Variants in PHACTR4 observed in about 807,000 individuals in gnomAD.
PHACTR4 encodes phosphatase and actin regulator 4.
In PHACTR4, 51 loss-of-function variants were observed where a neutral mutation model predicts 72.7. That is an observed-to-expected ratio of 0.70 (90% CI 0.56 to 0.89). The LOEUF (loss-of-function observed/expected upper bound fraction) is 0.89, where lower values mean the gene tolerates loss of function less well. PHACTR4 is among the 40% of genes least tolerant of loss of function. The pLI is 0.00. For missense variants in PHACTR4, 731 were observed against 861.8 expected, an observed-to-expected ratio of 0.85 and a Z score of 1.90; for synonymous variants, 255 against 302.5, an observed-to-expected ratio of 0.84 and a Z score of 1.63.
chr1:28,394,305 A>G (rs1348292814), intron 1 of PHACTR4, among the ~76,000 whole-genome samples: 1 of 151,014 alleles, frequency 6.6e-6, no homozygotes, highest in African/African-American at 2.4e-5. Context: ...GGGAGGGAGG[A>G]AGGAAGAGGG....
intron 2 of PHACTR4, among the ~76,000 whole-genome samples, chr1:28,411,116 G>A (rs1396965987): frequency 6.8e-6 from 1 of 146,352 alleles, no homozygotes; most frequent in South Asian, 2.2e-4. Context: ...GTGTGATCTC[G>A]GCTCACTGCA....
chr1:28,414,099 G>A (rs976178813), intron 2 of PHACTR4, among the ~76,000 whole-genome samples: 2 of 151,926 alleles, frequency 1.3e-5, no homozygotes, highest in African/African-American at 2.4e-5. Flanking sequence ...CTTTTGAGAT[G>A]GAGTCTTGCT....
intron 6 of PHACTR4, among the ~76,000 whole-genome samples, chr1:28,468,345 C>G (rs1383890058): frequency 6.6e-6 from 1 of 152,148 alleles, no homozygotes; most frequent in Non-Finnish European, 1.5e-5. Context: ...AATCCCAGCA[C>G]TTTGGGAGGC....
intron 10 of PHACTR4, among the ~76,000 whole-genome samples, 164 bp from the exon 11 acceptor site, chr1:28,490,787 G>A (rs1283423614): frequency 6.6e-6 from 1 of 151,088 alleles, no homozygotes; most frequent in African/African-American, 2.4e-5. Context: ...AGGTTGCAGT[G>A]AGCCAAGATT....
chr1:28,386,464 A>G (rs548253151), intron 1 of PHACTR4, among the ~76,000 whole-genome samples: 56 of 152,152 alleles, frequency 3.7e-4, no homozygotes, highest in Non-Finnish European at 6.8e-4. Flanking sequence ...TGCTGTTTGA[A>G]TCCTGAATAT....
intron 9 of PHACTR4, chr1:28,481,415 GC>G (rs34476399): frequency 6.6e-6 from 1 of 152,098 alleles, no homozygotes. Context: ...GATGGAAGAG[GC>G]CCTTTGGGCC....
At chr1:28,379,961 T>C (rs1033942703) in intron 1 of PHACTR4, among the ~76,000 whole-genome samples, 2 of 152,040 alleles carry the variant, frequency 1.3e-5, no homozygotes, top group African/African-American at 4.8e-5. Flanking sequence ...TCTCAACTTG[T>C]GTTTCTATTA....
At chr1:28,454,345 C>T (rs917326461) in intron 2 of PHACTR4, among the ~76,000 whole-genome samples, 1 of 138,500 alleles carries the variant, frequency 7.2e-6, no homozygotes, top group African/African-American at 2.8e-5. Flanking sequence ...GGCGTGATCT[C>T]GGCTCTCTGC....
chr1:28,393,860 C>T (rs1653256929), intron 1 of PHACTR4, among the ~76,000 whole-genome samples: 1 of 151,996 alleles, frequency 6.6e-6, no homozygotes, highest in Non-Finnish European at 1.5e-5. Context: ...CACATGCCAC[C>T]ATACTGGCTA....
At chr1:28,429,955 C>T (rs1413473829) in intron 2 of PHACTR4, among the ~76,000 whole-genome samples, 2 of 152,000 alleles carry the variant, frequency 1.3e-5, no homozygotes, top group African/African-American at 4.8e-5. Flanking sequence ...CTTTACCTCT[C>T]CTGTATTATC....
intron 9 of PHACTR4, among the ~76,000 whole-genome samples, chr1:28,488,655 A>T (rs1325716211): frequency 6.6e-6 from 1 of 152,190 alleles, no homozygotes; most frequent in Non-Finnish European, 1.5e-5. Flanking sequence ...AAAAAAAAAA[A>T]ATCTAAAGAG....
At chr1:28,448,107 C>T (rs996976731) in intron 2 of PHACTR4, among the ~76,000 whole-genome samples, 1 of 152,164 alleles carries the variant, frequency 6.6e-6, no homozygotes, top group Non-Finnish European at 1.5e-5. Flanking sequence ...TATAGCAAAT[C>T]TGTTTCCAGC....
At chr1:28,496,050 CTT>C (rs59019895) in intron 13 of PHACTR4, among the ~76,000 whole-genome samples, 12 of 88,770 alleles carry the variant, frequency 1.4e-4, no homozygotes, top group African/African-American at 4.8e-4. Context: ...GAGAAGAGTT[CTT>C]TTTTTTTTTT....
chr1:28,392,093 G>A (rs1350958765), intron 1 of PHACTR4, among the ~76,000 whole-genome samples: 1 of 152,078 alleles, frequency 6.6e-6, no homozygotes, highest in East Asian at 1.9e-4. Flanking sequence ...AGTTACCCAA[G>A]ATCAGCCATG....
intron 2 of PHACTR4, among the ~76,000 whole-genome samples, chr1:28,450,164 C>A (rs1463030175): frequency 6.6e-6 from 1 of 152,098 alleles, no homozygotes; most frequent in Admixed American, 6.6e-5. Flanking sequence ...AACTCTGTGA[C>A]GTGCTTTCCT....
intron 1 of PHACTR4, among the ~76,000 whole-genome samples, chr1:28,392,383 A>G (rs1653124024): frequency 6.6e-6 from 1 of 151,782 alleles, no homozygotes; most frequent in African/African-American, 2.4e-5. Flanking sequence ...CAATTTGGAT[A>G]TACCAAGGAT....
chr1:28,390,131 T>C (rs1291757586), intron 1 of PHACTR4, among the ~76,000 whole-genome samples: 1 of 152,210 alleles, frequency 6.6e-6, no homozygotes, highest in Non-Finnish European at 1.5e-5. Context: ...AGACAAATGC[T>C]GCATGCTCTT....
At chr1:28,394,721 C>T (rs568858941) in intron 1 of PHACTR4, among the ~76,000 whole-genome samples, 5 of 151,604 alleles carry the variant, frequency 3.3e-5, no homozygotes, top group African/African-American at 7.3e-5. Context: ...CTCAGCCTCC[C>T]GAGTAGCTGG....
intron 1 of PHACTR4, among the ~76,000 whole-genome samples, chr1:28,370,651 G>A (rs928376387): frequency 4.0e-5 from 6 of 149,402 alleles, no homozygotes; most frequent in Non-Finnish European, 5.9e-5. Context: ...CGGACACTCA[G>A]CTCCTCGCTC....
Sources: allele counts gnomAD v4.1 joint callset (sites outside exome capture counted in the v4.1 genomes callset), GRCh38; gene constraint gnomAD v4.1.1; transcripts MANE v1.5; gene names NCBI Gene and HGNC (gene_info 2026-07-23, HGNC 2026-07-21).